Variants in PLAC1 observed in about 807,000 individuals in gnomAD.
PLAC1 encodes placenta associated 1.
For missense variants in PLAC1, 136 were observed against 163.2 expected (o/e 0.83, Z 0.91); for synonymous variants, 68 against 62.1 (o/e 1.09, Z -0.44).
intron 1 of PLAC1, chrX:134,760,460 C>T (rs528512101): frequency 9.0e-6 from 1 of 111,210 alleles, no homozygotes; most frequent in South Asian, 3.8e-4. Context: ...AATTCCACCC[C>T]TAGGAATTTA....
intron 1 of PLAC1, among the ~76,000 whole-genome samples, chrX:134,635,527 A>T (rs2078279409): frequency 9.0e-6 from 1 of 110,826 alleles, no homozygotes; most frequent in Admixed American, 9.6e-5. Flanking sequence ...AATCATACAG[A>T]CAGGGTCTCA....
intron 2 of PLAC1, among the ~76,000 whole-genome samples, chrX:134,725,531 T>C (rs750316156): frequency 8.9e-6 from 1 of 111,922 alleles, no homozygotes; most frequent in African/African-American, 3.2e-5. Flanking sequence ...TTTTAACAAG[T>C]TCCCCGTGAC....
intron 2 of PLAC1, among the ~76,000 whole-genome samples, chrX:134,671,172 T>G (rs2078454168): frequency 9.0e-6 from 1 of 111,416 alleles, no homozygotes; most frequent in African/African-American, 3.3e-5. Context: ...TCCTCCTAAA[T>G]CACAAACTAG....
intron 2 of PLAC1, among the ~76,000 whole-genome samples, chrX:134,578,274 G>A (rs1016703079): frequency 7.4e-5 from 8 of 108,539 alleles, no homozygotes; most frequent in South Asian, 4.1e-4. Flanking sequence ...TTAGCCAGGC[G>A]TGGTGGCGGG....
chrX:134,584,945 G>A (rs1428245791), intron 2 of PLAC1, among the ~76,000 whole-genome samples: 3 of 110,723 alleles, frequency 2.7e-5, no homozygotes, highest in Non-Finnish European at 5.7e-5. Context: ...ATAAACACAG[G>A]CAGAACGTCT....
At chrX:134,602,279 T>C (rs1392504319) in intron 1 of PLAC1, among the ~76,000 whole-genome samples, 157 bp from the exon 2 acceptor site, 2 of 112,361 alleles carry the variant, frequency 1.8e-5, no homozygotes, top group African/African-American at 6.5e-5. Flanking sequence ...AGGCCCCCTA[T>C]GTGACAGGAG....
intron 2 of PLAC1, among the ~76,000 whole-genome samples, chrX:134,594,635 G>A (rs2078054080): frequency 1.8e-5 from 2 of 110,834 alleles, no homozygotes; most frequent in African/African-American, 3.3e-5. Context: ...CAAGGAATTG[G>A]TTCATTGTTA....
At chrX:134,579,797 C>T (rs931575727) in intron 2 of PLAC1, among the ~76,000 whole-genome samples, 1 of 111,491 alleles carries the variant, frequency 9.0e-6, no homozygotes. Flanking sequence ...ACAGTGAGGG[C>T]AGATGCTCAT....
chrX:134,647,816 G>A (rs780434514), intron 1 of PLAC1, among the ~76,000 whole-genome samples: 2 of 111,574 alleles, frequency 1.8e-5, no homozygotes, highest in East Asian at 5.6e-4. Flanking sequence ...TTCCATGGAT[G>A]AAAACTTTGC....
At chrX:134,738,755 T>C (rs1198377939) in intron 1 of PLAC1, among the ~76,000 whole-genome samples, 1 of 112,385 alleles carries the variant, frequency 8.9e-6, no homozygotes, top group African/African-American at 3.2e-5. Context: ...GCATTCCCAA[T>C]GTGGGATTTA....
At chrX:134,629,440 G>A (rs1321710942) in intron 1 of PLAC1, among the ~76,000 whole-genome samples, 1 of 111,183 alleles carries the variant, frequency 9.0e-6, no homozygotes, top group Admixed American at 9.5e-5. Flanking sequence ...AATTCAGGCG[G>A]TCCCATTATT....
chrX:134,730,010 C>T (rs1383911335), intron 2 of PLAC1, among the ~76,000 whole-genome samples: 2 of 110,951 alleles, frequency 1.8e-5, no homozygotes, highest in Admixed American at 9.6e-5. Flanking sequence ...AGGCTGGTCT[C>T]GAACTCCTGA....
At chrX:134,755,979 G>A (rs1237652615) in intron 1 of PLAC1, among the ~76,000 whole-genome samples, 1 of 100,700 alleles carries the variant, frequency 9.9e-6, no homozygotes, top group Non-Finnish European at 2.0e-5. Flanking sequence ...AGCCTCCCAA[G>A]TAGCTGGGAC....
In PLAC1 at chrX:134,707,749, A is replaced by AT. The variant is rs763069827; in HGVS notation, n.174+25685dup. Among the ~76,000 whole-genome samples, 555 of 111,868 alleles carry AT rather than the reference A, an allele frequency of 5.0e-3. 2 individuals carry two copies. Among genetic ancestry groups the AT allele is most frequent in the Non-Finnish European group, 7.2e-3 (384 of 53,060 alleles). Reference sequence around the variant, plus strand: ...TACAATAGGCTGTCCTCTTCTATTGATTTTTTTTTAAAATTATGTTTGATG... The same window carrying AT: ...TACAATAGGCTGTCCTCTTCTATTGATTTTTTTTTTAAAATTATGTTTGATG... On this transcript the variant is annotated intron_variant and non_coding_transcript_variant, in intron 2 of 2. Transcript: ENST00000466797.
chrX:134,689,182 G>T (rs1047693448), intron 2 of PLAC1, among the ~76,000 whole-genome samples: 5 of 111,651 alleles, frequency 4.5e-5, no homozygotes, highest in African/African-American at 9.8e-5. Context: ...CACTGGTCTG[G>T]TTTCATTATA....
At chrX:134,594,753 T>C (rs1057091043) in intron 2 of PLAC1, among the ~76,000 whole-genome samples, 3 of 110,922 alleles carry the variant, frequency 2.7e-5, no homozygotes, top group African/African-American at 9.8e-5. Context: ...CTCTCTCTCT[T>C]TTTTTGATCA....
At chrX:134,754,433 G>T (rs1449627480) in intron 1 of PLAC1, among the ~76,000 whole-genome samples, 1 of 110,939 alleles carries the variant, frequency 9.0e-6, no homozygotes, top group Non-Finnish European at 1.9e-5. Context: ...TTATTGGATC[G>T]ATCTATAATT....
intron 1 of PLAC1, among the ~76,000 whole-genome samples, chrX:134,736,062 G>C (rs1180373830): frequency 9.1e-6 from 1 of 110,345 alleles, no homozygotes; most frequent in Non-Finnish European, 1.9e-5. Context: ...CGGATCATAA[G>C]ATTGAGAGAT....
At chrX:134,594,714 T>G (rs1279592220) in intron 2 of PLAC1, among the ~76,000 whole-genome samples, 1 of 111,012 alleles carries the variant, frequency 9.0e-6, no homozygotes, top group Admixed American at 9.6e-5. Context: ...CCTGTTCTGT[T>G]TCTGATGCTG....
Sources: allele counts gnomAD v4.1 joint callset (sites outside exome capture counted in the v4.1 genomes callset), GRCh38; gene constraint gnomAD v4.1.1; transcripts MANE v1.5; gene names NCBI Gene and HGNC (gene_info 2026-07-23, HGNC 2026-07-21).